FSIP1: variants seen among roughly 807,000 people sequenced by gnomAD.
FSIP1 encodes fibrous sheath-interacting protein 1.
In FSIP1, 65 loss-of-function variants were observed where a neutral mutation model predicts 60.9. The observed-to-expected ratio is 1.07, with a 90% CI of 0.87 to 1.31. The LOEUF is 1.31. Ranked by LOEUF, FSIP1 falls within the 40% of genes most tolerant of loss-of-function variation. FSIP1 has a pLI of 0.00. For synonymous variants in FSIP1, 209 were observed against 221.2 expected (o/e 0.94, Z 0.49); for missense variants, 675 against 665.5 (o/e 1.01, Z -0.16).
chr15:39,661,384 C>G (rs78057382), intron 10 of FSIP1, among the ~76,000 whole-genome samples: 1,757 of 152,264 alleles, frequency 0.012, 44 homozygotes, highest in African/African-American at 0.04. Flanking sequence ...TCATCTGAGC[C>G]TAGCTTAGCT....
intron 10 of FSIP1, among the ~76,000 whole-genome samples, chr15:39,658,305 T>G (rs1893153249): frequency 6.8e-6 from 1 of 146,844 alleles, no homozygotes; most frequent in Non-Finnish European, 1.5e-5. Flanking sequence ...CAGGCTGGAG[T>G]ATAGTGGCGC....
chr15:39,630,076 T>C (rs1475101728), intron 10 of FSIP1, among the ~76,000 whole-genome samples: 2 of 152,180 alleles, frequency 1.3e-5, no homozygotes, highest in African/African-American at 4.8e-5. Context: ...TAGACACGTA[T>C]CTGAAATATC....
At chr15:39,680,562 T>C (rs1399775828) in intron 10 of FSIP1, among the ~76,000 whole-genome samples, 2 of 152,194 alleles carry the variant, frequency 1.3e-5, no homozygotes, top group Admixed American at 6.5e-5. Flanking sequence ...TAGAATCTGA[T>C]TGAAATGGTC....
chr15:39,664,116 G>A (rs1893404810), intron 10 of FSIP1, among the ~76,000 whole-genome samples: 1 of 152,042 alleles, frequency 6.6e-6, no homozygotes, highest in South Asian at 2.1e-4. Context: ...AAGAAAGCAG[G>A]TTTTTTTAAT....
intron 5 of FSIP1, among the ~76,000 whole-genome samples, chr15:39,761,538 G>C (rs111867368): frequency 2.5e-4 from 38 of 152,318 alleles, no homozygotes; most frequent in Admixed American, 1.0e-3. Context: ...CATAGAAGCA[G>C]AGTGGAATGG....
intron 10 of FSIP1, among the ~76,000 whole-genome samples, chr15:39,630,811 C>T (rs1891851741): frequency 6.6e-6 from 1 of 152,188 alleles, no homozygotes; most frequent in Non-Finnish European, 1.5e-5. Context: ...AGGGGGAGCA[C>T]CTGGCAGCAG....
At position 39,719,074 on chromosome 15, in the gene FSIP1, T is replaced by G. The variant is rs16969698; in HGVS notation, c.1051-5493A>C. Among the ~76,000 whole-genome samples the G allele has an allele frequency of 5.9e-3, 894 of 152,280 alleles. 7 individuals are homozygous for G. Among genetic ancestry groups the G allele is most frequent in the African/African-American group, 0.02 (842 of 41,550 alleles). The stretch of plus-strand genomic sequence containing the variant: ...GCCTCCGATGGCATAACCATATAGT[T>G]CAAATATTCGAAAAATACTGTATGA... On this transcript the variant is annotated intron_variant, in intron 9 of 11. Coordinates refer to ENST00000350221, the MANE Select transcript of FSIP1 (RefSeq NM_152597.5).
intron 9 of FSIP1, among the ~76,000 whole-genome samples, chr15:39,720,437 T>TAGTTTA (rs1340567942): frequency 1.3e-5 from 2 of 152,182 alleles, no homozygotes; most frequent in Non-Finnish European, 2.9e-5. Flanking sequence ...TTAAACTAGT[T>TAGTTTA]AGTTTAAGAA....
chr15:39,620,695 G>A (rs942104257), intron 10 of FSIP1, among the ~76,000 whole-genome samples: 6 of 150,760 alleles, frequency 4.0e-5, no homozygotes, highest in African/African-American at 1.5e-4. Flanking sequence ...GGGTTCAAGC[G>A]AGTCTCGTGT....
At chr15:39,664,139 A>G (rs1002993802) in intron 10 of FSIP1, among the ~76,000 whole-genome samples, 3 of 152,190 alleles carry the variant, frequency 2.0e-5, no homozygotes, top group Non-Finnish European at 2.9e-5. Flanking sequence ...TACTAAAATT[A>G]TGTTAGTTTT....
chr15:39,713,913 C>T (rs923589383), intron 9 of FSIP1, among the ~76,000 whole-genome samples: 4 of 152,174 alleles, frequency 2.6e-5, no homozygotes, highest in African/African-American at 9.7e-5. Flanking sequence ...TTTCTTTGGA[C>T]TTCAAGTTTA....
chr15:39,649,045 A>C (rs912339704), intron 10 of FSIP1, among the ~76,000 whole-genome samples: 1 of 152,178 alleles, frequency 6.6e-6, no homozygotes, highest in Admixed American at 6.5e-5. Flanking sequence ...AAGAGAACTA[A>C]GCAAACGGAA....
chr15:39,702,985 T>TC (rs57038394), intron 10 of FSIP1, among the ~76,000 whole-genome samples: 15,310 of 137,560 alleles, frequency 0.11, 887 homozygotes, highest in Middle Eastern at 0.24. Context: ...TAATTGTCTT[T>TC]TTTTTTTTTT....
At chr15:39,610,342 C>T (rs1013358019) in intron 11 of FSIP1, among the ~76,000 whole-genome samples, 1 of 152,152 alleles carries the variant, frequency 6.6e-6, no homozygotes, top group Non-Finnish European at 1.5e-5. Context: ...CAATTAAATT[C>T]AAGCCAAAGA....
chr15:39,654,383 T>C (rs1012844996), intron 10 of FSIP1, among the ~76,000 whole-genome samples: 3 of 152,208 alleles, frequency 2.0e-5, no homozygotes, highest in African/African-American at 4.8e-5. Context: ...AGCTACCTAG[T>C]CACTAGGTGA....
Position 39,749,262 on chromosome 15 carries a change from C to CAAAAAAAAAAAAA in FSIP1, c.560-7363_560-7362insTTTTTTTTTTTTT. The stretch of plus-strand genomic sequence containing the variant: ...TAATACCAATACTTCTTAAACTCTT[C>CAAAAAAAAAAAAA]CAAAAAAAAAAAAACCAGGCTAGAG... On this transcript the variant is annotated intron_variant, in intron 5 of 11. Transcript: ENST00000350221. Among the ~76,000 whole-genome samples the CAAAAAAAAAAAAA allele has an allele frequency of 6.0e-5, 2 of 33,304 alleles. 1 individual carries two copies. Among genetic ancestry groups the CAAAAAAAAAAAAA allele is most frequent in the Middle Eastern group, 0.018 (2 of 114 alleles). 21.8% of individuals were successfully genotyped at this position (33,304 alleles called of 152,430 possible). A position where few individuals can be genotyped will look rare whatever the true frequency, so the allele number is the denominator to read the frequency against.
chr15:39,617,086 A>C (rs1891258117), intron 11 of FSIP1, among the ~76,000 whole-genome samples: 1 of 152,250 alleles, frequency 6.6e-6, no homozygotes, highest in Non-Finnish European at 1.5e-5. Flanking sequence ...TAATAGATAG[A>C]AATGTAATAG....
chr15:39,648,452 C>T (rs1344077598), intron 10 of FSIP1, among the ~76,000 whole-genome samples: 1 of 152,162 alleles, frequency 6.6e-6, no homozygotes, highest in Non-Finnish European at 1.5e-5. Flanking sequence ...ACATACGCAT[C>T]GTAAGTTCTT....
chr15:39,605,572 T>C (rs886831792), intron 11 of FSIP1, among the ~76,000 whole-genome samples: 1 of 152,146 alleles, frequency 6.6e-6, no homozygotes, highest in Non-Finnish European at 1.5e-5. Flanking sequence ...GGAATGGAAA[T>C]TCAATGTCTC....
Sources: allele counts gnomAD v4.1 joint callset (sites outside exome capture counted in the v4.1 genomes callset), GRCh38; gene constraint gnomAD v4.1.1; transcripts MANE v1.5; gene names NCBI Gene and HGNC (gene_info 2026-07-23, HGNC 2026-07-21).